EYA2: variants seen among roughly 807,000 people sequenced by gnomAD.
The protein encoded by EYA2 is protein phosphatase EYA2.
In EYA2, 31 loss-of-function variants were observed where a neutral mutation model predicts 69.2. That is an observed-to-expected ratio of 0.45 (90% CI 0.34 to 0.60). The LOEUF is 0.60. Among genes scored for constraint, EYA2 ranks in the 20% least tolerant of loss-of-function variants. The probability of loss-of-function intolerance (pLI) is 0.02; values close to 1 mark genes in which losing one functional copy is unlikely to be tolerated. For missense variants in EYA2, 622 were observed against 701.2 expected, an observed-to-expected ratio of 0.89 and a Z score of 1.28; for synonymous variants, 257 against 279.4, an observed-to-expected ratio of 0.92 and a Z score of 0.80.
At chr20:46,990,630 C>T (rs1981596172) in intron 2 of EYA2, among the ~76,000 whole-genome samples, 1 of 152,218 alleles carries the variant, frequency 6.6e-6, no homozygotes, top group African/African-American at 2.4e-5. Context: ...GCAAATGATG[C>T]AGTCGAACTA....
chr20:46,956,072 C>G (rs1600579082), intron 1 of EYA2, among the ~76,000 whole-genome samples: 1 of 152,220 alleles, frequency 6.6e-6, no homozygotes, highest in Non-Finnish European at 1.5e-5. Flanking sequence ...TTTTTGTCTT[C>G]CACATTTTTC....
intron 9 of EYA2, among the ~76,000 whole-genome samples, chr20:47,125,424 G>T (rs531686337): frequency 5.9e-5 from 9 of 151,952 alleles, no homozygotes; most frequent in African/African-American, 1.2e-4. Context: ...CAAAACTGTC[G>T]AAGAAGCCAA....
intron 3 of EYA2, among the ~76,000 whole-genome samples, chr20:47,004,413 C>T (rs758198022): frequency 2.0e-5 from 3 of 152,158 alleles, no homozygotes; most frequent in African/African-American, 4.8e-5. Context: ...TTAGGACAAT[C>T]GGGGTAGGAT....
chr20:47,062,543 C>A (rs1383408785), intron 5 of EYA2, among the ~76,000 whole-genome samples: 1 of 152,222 alleles, frequency 6.6e-6, no homozygotes, highest in African/African-American at 2.4e-5. Context: ...CATGTAGCGG[C>A]TCTCCTGGCA....
intron 5 of EYA2, among the ~76,000 whole-genome samples, chr20:47,063,085 C>A (rs2030956938): frequency 6.6e-6 from 1 of 152,052 alleles, no homozygotes; most frequent in Non-Finnish European, 1.5e-5. Flanking sequence ...ATAGAATTAA[C>A]CATTAACCAT....
chr20:47,027,232 C>T (rs1163270174), intron 5 of EYA2, among the ~76,000 whole-genome samples: 1 of 152,216 alleles, frequency 6.6e-6, no homozygotes, highest in Non-Finnish European at 1.5e-5. Flanking sequence ...CTATTTCTCT[C>T]CGGTGATGGC....
intron 8 of EYA2, among the ~76,000 whole-genome samples, chr20:47,095,654 C>T (rs2032225631): frequency 6.6e-6 from 1 of 151,942 alleles, no homozygotes; most frequent in Non-Finnish European, 1.5e-5. Flanking sequence ...TCATCAGTGA[C>T]CCTGGACACT....
At chr20:47,116,919 G>A (rs1473908062) in intron 9 of EYA2, among the ~76,000 whole-genome samples, 1 of 151,986 alleles carries the variant, frequency 6.6e-6, no homozygotes, top group African/African-American at 2.4e-5. Flanking sequence ...CTGAAGGGCG[G>A]TCTGGCATCA....
At chr20:47,116,695 C>T (rs980450945) in intron 9 of EYA2, among the ~76,000 whole-genome samples, 1 of 152,198 alleles carries the variant, frequency 6.6e-6, no homozygotes, top group African/African-American at 2.4e-5. Flanking sequence ...CCTTCCTTCC[C>T]CTCCACTCTC....
intron 1 of EYA2, among the ~76,000 whole-genome samples, chr20:46,899,827 C>A (rs1478324648): frequency 6.6e-6 from 1 of 152,160 alleles, no homozygotes; most frequent in Non-Finnish European, 1.5e-5. Flanking sequence ...GCTTCGTCAG[C>A]GCTGTCATCG....
intron 1 of EYA2, among the ~76,000 whole-genome samples, chr20:46,987,596 T>C (rs1481002960): frequency 6.6e-6 from 1 of 152,080 alleles, no homozygotes; most frequent in Non-Finnish European, 1.5e-5. Context: ...TACAGTTGGT[T>C]CCAATTCAAG....
chr20:47,013,618 C>T (rs1983215449), intron 4 of EYA2, among the ~76,000 whole-genome samples: 1 of 152,196 alleles, frequency 6.6e-6, no homozygotes, highest in African/African-American at 2.4e-5. Context: ...CCGATTCTGG[C>T]TTTCCATCCC....
At chr20:46,957,056 A>G (rs1182665412) in intron 1 of EYA2, among the ~76,000 whole-genome samples, 1 of 152,234 alleles carries the variant, frequency 6.6e-6, no homozygotes, top group African/African-American at 2.4e-5. Flanking sequence ...GAGCCAAACC[A>G]TATCACTTTC....
chr20:47,127,343 C>G (rs1170669923), intron 9 of EYA2, among the ~76,000 whole-genome samples: 2 of 152,160 alleles, frequency 1.3e-5, no homozygotes, highest in African/African-American at 4.8e-5. Flanking sequence ...GTGGCTCATG[C>G]TTGTAATCCC....
chr20:46,945,706 G>T (rs949783820), intron 1 of EYA2, among the ~76,000 whole-genome samples: 1 of 152,248 alleles, frequency 6.6e-6, no homozygotes, highest in Non-Finnish European at 1.5e-5. Context: ...GGCCTGCTGG[G>T]CCCTTCTGGG....
At chr20:46,944,848 A>G (rs1978358826) in intron 1 of EYA2, among the ~76,000 whole-genome samples, 1 of 152,198 alleles carries the variant, frequency 6.6e-6, no homozygotes, top group Non-Finnish European at 1.5e-5. Context: ...TCATTCCTAC[A>G]ATCCCAGCAC....
chr20:47,050,878 C>T (rs1191713204), intron 5 of EYA2, among the ~76,000 whole-genome samples: 2 of 152,214 alleles, frequency 1.3e-5, no homozygotes, highest in Non-Finnish European at 2.9e-5. Flanking sequence ...TACCTGAGAA[C>T]CTTGCAGCGT....
At chr20:46,987,964 C>CTCTCTCTCTCTCTCTCTATATA (rs1555809797) in intron 1 of EYA2, among the ~76,000 whole-genome samples, 1 of 11,278 alleles carries the variant, frequency 8.9e-5, no homozygotes, top group African/African-American at 2.7e-4. Flanking sequence ...CTCTCTCTCT[C>CTCTCTCTCTCTCTCTCTATATA]TATATATATA....
intron 1 of EYA2, among the ~76,000 whole-genome samples, chr20:46,953,494 A>G (rs879446452): frequency 3.3e-5 from 5 of 152,234 alleles, no homozygotes; most frequent in Non-Finnish European, 7.3e-5. Context: ...CCGGGTTGGA[A>G]GTGGGAGAAA....
Sources: gnomAD v4.1 joint callset for allele counts (sites outside exome capture counted in the v4.1 genomes callset) on GRCh38, gnomAD v4.1.1 for gene constraint, MANE v1.5 for transcripts, NCBI Gene and HGNC (gene_info 2026-07-23, HGNC 2026-07-21) for gene names.